Variants in RANBP10 observed in about 807,000 individuals in gnomAD.
RANBP10 encodes ran-binding protein 10.
A neutral mutation model predicts 72.8 loss-of-function variants in RANBP10; 24 were observed. The ratio of observed to expected loss-of-function variants is 0.33; its 90% CI spans 0.24 to 0.46. The LOEUF (loss-of-function observed/expected upper bound fraction) is 0.46. Ranked by LOEUF, RANBP10 falls within the 20% of genes least tolerant of loss-of-function variation. The pLI is 1.00. For missense variants in RANBP10, 679 were observed against 817.5 expected (o/e 0.83, Z 2.07); for synonymous variants, 310 against 322.3 (o/e 0.96, Z 0.41).
At chr16:67,759,801 G>C (rs2054360457) in intron 3 of RANBP10, 1 of 152,306 alleles carries the variant, frequency 6.6e-6, no homozygotes, top group Non-Finnish European at 1.5e-5. Context: ...CAGACTACTA[G>C]AAACTCACCT....
chr16:67,742,533 G>C (rs944552280), intron 4 of RANBP10, among the ~76,000 whole-genome samples: 1 of 152,196 alleles, frequency 6.6e-6, no homozygotes, highest in Non-Finnish European at 1.5e-5. Context: ...TCTAAAAACA[G>C]CCTAAGGGCT....
intron 2 of RANBP10, among the ~76,000 whole-genome samples, chr16:67,780,596 A>C (rs1431832803): frequency 6.6e-6 from 1 of 152,162 alleles, no homozygotes; most frequent in Non-Finnish European, 1.5e-5. Flanking sequence ...TAAAAAAAAG[A>C]AAGGGTACAG....
intron 2 of RANBP10, among the ~76,000 whole-genome samples, chr16:67,787,851 T>C (rs1243035516): frequency 6.6e-6 from 1 of 152,070 alleles, no homozygotes; most frequent in Non-Finnish European, 1.5e-5. Flanking sequence ...AAAAAAAATT[T>C]TTTTTTGAGA....
intron 2 of RANBP10, among the ~76,000 whole-genome samples, chr16:67,783,483 G>A (rs530984405): frequency 6.6e-6 from 1 of 152,248 alleles, no homozygotes; most frequent in South Asian, 2.1e-4. Flanking sequence ...CTTCACAGCA[G>A]GGCTCCAAAC....
Position 67,731,459 on chromosome 16 carries a change from G to A in RANBP10, c.889+13C>T, listed in dbSNP as rs1256079071. ...GGTGAGGAAGGGAAAGGGGAAAGTAGAATAAACCTTACTTTGTCTGTTCTT... is the reference window on the plus strand; with the variant it reads ...GGTGAGGAAGGGAAAGGGGAAAGTAAAATAAACCTTACTTTGTCTGTTCTT... On this transcript the variant is annotated intron_variant, in intron 7 of 13. Coordinates refer to ENST00000317506, the MANE Select transcript of RANBP10 (RefSeq NM_020850.3). 4 of 1,594,408 alleles carry A rather than the reference G, an allele frequency of 2.5e-6. No homozygotes were observed. The highest frequency in any genetic ancestry group is 3.4e-6 in the Non-Finnish European group (4 of 1,162,220).
rs757162686 is a variant in RANBP10, at chr16:67,727,845, T to C, written c.1526A>G (p.Glu509Gly). ...CTCGCGGCCAAACAGAATGATCCTTTCTGTGGCAGCCTGGTTGCCCCCGCA... is the reference window on the plus strand; with the variant it reads ...CTCGCGGCCAAACAGAATGATCCTTCCTGTGGCAGCCTGGTTGCCCCCGCA... Reference protein sequence around the residue: ...QLCGGNQAATERIILFGRELQ... With the variant: ...QLCGGNQAATGRIILFGRELQ... The change falls in exon 12 of 14, where the codon GAA becomes GGA. Residue 509 changes from glutamate to glycine, a missense_variant. Coordinates refer to ENST00000317506, the MANE Select transcript of RANBP10 (RefSeq NM_020850.3). 12 of 1,614,134 alleles carry C rather than the reference T, an allele frequency of 7.4e-6. No individual in the cohort carries two copies. The South Asian group carries it at 1.3e-4, about 18-fold the overall frequency.
intron 4 of RANBP10, among the ~76,000 whole-genome samples, chr16:67,742,804 G>A (rs983088425): frequency 8.5e-5 from 13 of 152,228 alleles, no homozygotes; most frequent in African/African-American, 3.1e-4. Flanking sequence ...GTGGCCCCTG[G>A]GACTTTGACA....
At chr16:67,732,430 T>C (rs1276011448) in intron 6 of RANBP10, among the ~76,000 whole-genome samples, 1 of 152,130 alleles carries the variant, frequency 6.6e-6, no homozygotes, top group East Asian at 1.9e-4. Flanking sequence ...TGTACATGTG[T>C]CTGATGTCAT....
intron 3 of RANBP10, among the ~76,000 whole-genome samples, chr16:67,760,027 G>A (rs945864407): frequency 6.6e-6 from 1 of 151,388 alleles, no homozygotes; most frequent in Non-Finnish European, 1.5e-5. Context: ...GTGAACCCAG[G>A]AGGCAGAGCT....
rs2053672001 is a variant in RANBP10 at position 67,729,288 on chromosome 16, C to T, written c.1344G>A (p.Gln448=). ...KSQHHSSTSN[Q]ETSDSEMEME... is the part of the protein sequence containing the mutation. Reference sequence around the variant, plus strand: ...CAGAGCAAGGCAGGCACCTGGTCTCCTGGTTACTGGTACTGCTGTGGTGCT... The same window carrying T: ...CAGAGCAAGGCAGGCACCTGGTCTCTTGGTTACTGGTACTGCTGTGGTGCT... The change falls in exon 10 of 14, where the codon CAG becomes CAA. Residue 448 remains glutamine (Q), a synonymous_variant. Transcript: ENST00000317506. The surrounding 1 kb of genome is among the most constrained non-coding windows in gnomAD (Gnocchi z 7.1). 1 of 1,612,210 alleles carries T rather than the reference C, an allele frequency of 6.2e-7. No individual in the cohort carries two copies. Among genetic ancestry groups the T allele is most frequent in the African/African-American group, 1.3e-5 (1 of 74,874 alleles).
intron 4 of RANBP10, chr16:67,739,943 C>T (rs1219553132): frequency 2.6e-5 from 4 of 152,032 alleles, no homozygotes; most frequent in Admixed American, 2.0e-4. Context: ...TGACAAATGA[C>T]TCAGGACCAG....
At chr16:67,747,372 TGGG>T (rs2054102655) in intron 3 of RANBP10, among the ~76,000 whole-genome samples, 1 of 152,226 alleles carries the variant, frequency 6.6e-6, no homozygotes, top group Admixed American at 6.5e-5. Context: ...CATTTTTTAT[TGGG>T]TCGTTTATTG....
intron 2 of RANBP10, among the ~76,000 whole-genome samples, chr16:67,800,536 T>C (rs2055217772): frequency 6.6e-6 from 1 of 152,074 alleles, no homozygotes; most frequent in Non-Finnish European, 1.5e-5. Context: ...ACATTGCTCC[T>C]CCCCAGGGAC....
intron 13 of RANBP10, 144 bp from the exon 14 acceptor site, chr16:67,726,702 C>T: frequency 9.3e-7 from 1 of 1,073,370 alleles, no homozygotes; most frequent in Non-Finnish European, 1.3e-6. Flanking sequence ...TGTGTCCCAG[C>T]CACCAGGCCA....
chr16:67,771,506 C>T (rs1021376721), intron 3 of RANBP10, among the ~76,000 whole-genome samples: 1 of 151,998 alleles, frequency 6.6e-6, no homozygotes, highest in Non-Finnish European at 1.5e-5. Context: ...CCACCACACC[C>T]GACTAATTTT....
Position 67,744,044 on chromosome 16 carries a change from C to T in RANBP10, c.568+244G>A, listed in dbSNP as rs776976002. 7.1e-5 allele frequency: 69 copies of T among 969,804 alleles called. No individual in the cohort carries two copies. In the Middle Eastern group the frequency reaches 1.6e-3, roughly 22 times the overall value. 60.1% of individuals were successfully genotyped at this position (969,804 alleles called of 1,614,324 possible). A position where few individuals can be genotyped will look rare whatever the true frequency, so the allele number is the denominator to read the frequency against. On this transcript the variant is annotated intron_variant, in intron 4 of 13. Coordinates refer to ENST00000317506, the MANE Select transcript of RANBP10 (RefSeq NM_020850.3). ...ACAAGTGCCACCAAAGCCAAGATCA[C>T]GACCAGGATACTGCTGTACTCTCAG...
chr16:67,806,254 C>T, intron 1 of RANBP10, 48 bp downstream of exon 1: 1 of 1,525,830 alleles, frequency 6.6e-7, no homozygotes, highest in Non-Finnish European at 8.9e-7. Flanking sequence ...GCAGAGCCAC[C>T]CCACGGACGC....
Position 67,799,389 on chromosome 16 carries a change from G to A in RANBP10, c.347+6039C>T, listed in dbSNP as rs557288198. On this transcript the variant is annotated intron_variant, in intron 2 of 13. Coordinates refer to ENST00000317506, the MANE Select transcript of RANBP10 (RefSeq NM_020850.3). ...TGCAAGCTCGGCCTCCCGGGTTCACGCCATTCTCCTGCCTCAGCCTCCCGA... is the reference window on the plus strand; with the variant it reads ...TGCAAGCTCGGCCTCCCGGGTTCACACCATTCTCCTGCCTCAGCCTCCCGA... Among the ~76,000 whole-genome samples, 965 of 149,246 alleles carry A rather than the reference G, an allele frequency of 6.5e-3. 16 individuals are homozygous for A. Among genetic ancestry groups the A allele is most frequent in the African/African-American group, 0.023 (932 of 40,262 alleles).
chr16:67,761,407 A>T (rs556219613), intron 3 of RANBP10, among the ~76,000 whole-genome samples: 1 of 152,132 alleles, frequency 6.6e-6, no homozygotes. Context: ...CACTCAAAAC[A>T]TCAACATCTT....
Sources: allele counts gnomAD v4.1 joint callset (sites outside exome capture counted in the v4.1 genomes callset), GRCh38; gene constraint gnomAD v4.1.1; non-coding constraint Gnocchi (gnomAD v3.1); transcripts MANE v1.5; gene names NCBI Gene and HGNC (gene_info 2026-07-23, HGNC 2026-07-21).